CRYBG1: variants seen among roughly 807,000 people sequenced by gnomAD.
The protein encoded by CRYBG1 is beta/gamma crystallin domain-containing protein 1.
CRYBG1 carries 139 observed loss-of-function variants against 189.2 expected under a neutral mutation model. The ratio of observed to expected loss-of-function variants is 0.73; its 90% CI spans 0.64 to 0.85. The LOEUF (loss-of-function observed/expected upper bound fraction) is 0.85, where lower values mean the gene tolerates loss of function less well. Among genes scored for constraint, CRYBG1 ranks in the 40% least tolerant of loss-of-function variants. CRYBG1 has a pLI of 0.00. For missense variants in CRYBG1, 2,611 were observed against 2,675.8 expected (o/e 0.98, Z 0.53); for synonymous variants, 1,023 against 1,017.1 (o/e 1.01, Z -0.11).
chr6:106,458,573 T>C (rs1771938155), intron 2 of CRYBG1, among the ~76,000 whole-genome samples: 1 of 152,220 alleles, frequency 6.6e-6, no homozygotes, highest in African/African-American at 2.4e-5. Context: ...AAATTTTTTT[T>C]CATGAATGAA....
At chr6:106,485,963 A>G (rs556344246) in intron 2 of CRYBG1, among the ~76,000 whole-genome samples, 3 of 152,306 alleles carry the variant, frequency 2.0e-5, no homozygotes, top group South Asian at 2.1e-4. Flanking sequence ...TTTTTGAATC[A>G]GGGTAATGCT....
chr6:106,406,616 A>G (rs1419900456), intron 1 of CRYBG1, among the ~76,000 whole-genome samples: 2 of 152,224 alleles, frequency 1.3e-5, no homozygotes, highest in East Asian at 1.9e-4. Flanking sequence ...TGAAGGAAAA[A>G]ATGTTAAGGG....
At chr6:106,479,294 T>C (rs1043698414) in intron 2 of CRYBG1, among the ~76,000 whole-genome samples, 1 of 152,216 alleles carries the variant, frequency 6.6e-6, no homozygotes, top group African/African-American at 2.4e-5. Context: ...GAGTGGCTTA[T>C]ACAACAGATA....
rs2114594430 is a variant in CRYBG1 at position 106,558,483 on chromosome 6, C to T, written c.5716-3C>T. 6.3e-7 allele frequency: 1 copy of T among 1,578,838 alleles called. No individual in the cohort carries two copies. The highest frequency in any genetic ancestry group is 8.6e-7 in the Non-Finnish European group (1 of 1,158,294). ...ACAGAACATTGTTTTTGTTCCTCAA[C>T]AGGAATTTTCTGAACCAACAATTAT... On this transcript the variant is annotated splice_polypyrimidine_tract_variant and splice_region_variant and intron_variant, in intron 17 of 21. Transcript: ENST00000633556.
At chr6:106,378,409 TGCTCAGG>T (rs1050822482) in intron 1 of CRYBG1, among the ~76,000 whole-genome samples, 1 of 152,234 alleles carries the variant, frequency 6.6e-6, no homozygotes, top group African/African-American at 2.4e-5. Context: ...TCACTGCCAC[TGCTCAGG>T]GCTCGGTCCT....
At chr6:106,418,294 C>T (rs138094261) in intron 1 of CRYBG1, among the ~76,000 whole-genome samples, 6 of 152,270 alleles carry the variant, frequency 3.9e-5, no homozygotes, top group Admixed American at 1.3e-4. Context: ...AGGCATTATT[C>T]AGAAAGAATC....
chr6:106,562,631 C>A (rs1426139606), intron 20 of CRYBG1, among the ~76,000 whole-genome samples: 1 of 151,982 alleles, frequency 6.6e-6, no homozygotes, highest in Non-Finnish European at 1.5e-5. Flanking sequence ...GGACTACAGG[C>A]GTGTGCCACC....
intron 1 of CRYBG1, among the ~76,000 whole-genome samples, chr6:106,374,237 A>G (rs1402200999): frequency 1.3e-5 from 2 of 152,110 alleles, no homozygotes; most frequent in East Asian, 1.9e-4. Flanking sequence ...ACTTACCGCT[A>G]TAATAAAAAA....
At chr6:106,561,567 C>A in intron 20 of CRYBG1, 67 bp downstream of exon 20, 1 of 1,507,732 alleles carries the variant, frequency 6.6e-7, no homozygotes. Context: ...CTTTCATATG[C>A]TTTTGATCTT....
intron 1 of CRYBG1, among the ~76,000 whole-genome samples, chr6:106,374,211 G>A (rs1562289298): frequency 1.3e-5 from 2 of 152,088 alleles, no homozygotes; most frequent in African/African-American, 2.4e-5. Flanking sequence ...CCATTAAAAT[G>A]ATAAAAAGTT....
chr6:106,528,139 T>C (rs144338991), intron 7 of CRYBG1, among the ~76,000 whole-genome samples: 51 of 152,324 alleles, frequency 3.3e-4, no homozygotes, highest in African/African-American at 1.2e-3. Flanking sequence ...GGAACATTCT[T>C]ACATGAGAAT....
chr6:106,547,704 G>A (rs1774297620), intron 13 of CRYBG1, among the ~76,000 whole-genome samples: 1 of 152,150 alleles, frequency 6.6e-6, no homozygotes, highest in Admixed American at 6.5e-5. Flanking sequence ...CTTGTTCCAT[G>A]AAAGTATCTC....
chr6:106,481,867 G>C (rs915327254), intron 2 of CRYBG1, among the ~76,000 whole-genome samples: 1 of 152,206 alleles, frequency 6.6e-6, no homozygotes, highest in Admixed American at 6.5e-5. Context: ...ATTAGTCCTG[G>C]GATAGGATAC....
chr6:106,480,111 C>A (rs1164126544), intron 2 of CRYBG1, among the ~76,000 whole-genome samples: 2 of 152,094 alleles, frequency 1.3e-5, no homozygotes, highest in Non-Finnish European at 2.9e-5. Context: ...GGGGCCACCA[C>A]CATTTTTGCT....
intron 1 of CRYBG1, among the ~76,000 whole-genome samples, chr6:106,411,681 T>C (rs1382558864): frequency 6.6e-5 from 10 of 152,142 alleles, no homozygotes; most frequent in Non-Finnish European, 7.4e-5. Context: ...CAATAGGCTG[T>C]CTACAAGCTG....
chr6:106,401,902 A>C (rs1459294063), intron 1 of CRYBG1, among the ~76,000 whole-genome samples: 1 of 151,992 alleles, frequency 6.6e-6, no homozygotes, highest in East Asian at 1.9e-4. Flanking sequence ...CATGATTTAT[A>C]GTCCTTTGGG....
chr6:106,502,368 C>A (rs1452685229), intron 2 of CRYBG1, among the ~76,000 whole-genome samples: 3 of 152,178 alleles, frequency 2.0e-5, no homozygotes, highest in Non-Finnish European at 4.4e-5. Context: ...TTGATGACTT[C>A]ACAAGGAACA....
chr6:106,563,967 T>G (rs1774799449), intron 21 of CRYBG1, 41 bp downstream of exon 21: 2 of 1,557,174 alleles, frequency 1.3e-6, no homozygotes, highest in East Asian at 4.6e-5. Context: ...GTAATGTGTA[T>G]GTCTTTTAGT....
intron 8 of CRYBG1, among the ~76,000 whole-genome samples, chr6:106,539,183 G>A (rs1412168871): frequency 6.6e-6 from 1 of 152,166 alleles, no homozygotes; most frequent in African/African-American, 2.4e-5. Context: ...AGGGGACAAA[G>A]CCAGCCAAGG....
Sources: gnomAD v4.1 joint callset for allele counts (sites outside exome capture counted in the v4.1 genomes callset) on GRCh38, gnomAD v4.1.1 for gene constraint, MANE v1.5 for transcripts, NCBI Gene and HGNC (gene_info 2026-07-23, HGNC 2026-07-21) for gene names.